FDXR: variants seen among roughly 807,000 people sequenced by gnomAD.
FDXR encodes NADPH:adrenodoxin oxidoreductase, mitochondrial.
FDXR carries 38 observed loss-of-function variants against 58.3 expected under a neutral mutation model. The observed-to-expected ratio is 0.65, with a 90% CI of 0.50 to 0.85. The LOEUF is 0.85. Among genes scored for constraint, FDXR ranks in the 40% least tolerant of loss-of-function variants. The pLI is 0.00. For missense variants in FDXR, 624 were observed against 671.0 expected, an observed-to-expected ratio of 0.93 and a Z score of 0.77; for synonymous variants, 275 against 273.8, an observed-to-expected ratio of 1.00 and a Z score of -0.04.
rs757157557 is a variant in FDXR at position 74,866,162 on chromosome 17, C to T, written c.476G>A (p.Gly159Asp). The part of the protein sequence containing the change: ...PGVCSARAFV[G>D]WYNGLPENQE... ...GTTCTCAGGAAGCCCGTTGTACCAG[C>T]CCACGAAGGCCCGGGCGGAGCACAC... The change falls in exon 5 of 12, where the codon GGC becomes GAC. Residue 159 changes from glycine to aspartate, a missense_variant. Gly to Asp is a moderately conservative substitution (Grantham distance 94). Transcript: ENST00000293195. 3 of 1,613,856 alleles carry T rather than the reference C, an allele frequency of 1.9e-6. No individual in the cohort carries two copies. Among genetic ancestry groups the T allele is most frequent in the Admixed American group, 1.7e-5 (1 of 60,020 alleles).
At chr17:74,866,362 C>T in intron 4 of FDXR, 84 bp downstream of exon 4, 2 of 1,581,308 alleles carry the variant, frequency 1.3e-6, no homozygotes, top group Non-Finnish European at 1.7e-6. Context: ...GCATCCTGGC[C>T]TCACCCCTGC....
rs923509743 is a variant in FDXR at position 74,865,649 on chromosome 17, T to C, written c.609+70A>G. ...GCTTGGAGAGGTAAGGCCTGAACCC[T>C]GCAGACAAGGGCACTCTCTCCTCAG... On this transcript the variant is annotated intron_variant, in intron 6 of 11. Transcript: ENST00000293195. 6.4e-6 allele frequency: 7 copies of C among 1,092,104 alleles called. No individual in the cohort carries two copies. In the Admixed American group the frequency reaches 1.2e-4, roughly 19 times the overall value. 67.7% of individuals were successfully genotyped at this position (1,092,104 alleles called of 1,614,324 possible).
rs749152928 is a variant in FDXR at position 74,865,745 on chromosome 17, G to A, written c.583C>T (p.Leu195=). ...TCCAGGTGCTCAGGTGGGGTCAGTA[G>A]GATGCGGGCCACGTCCAGAGCCACG... ...GNVALDVARI[L]LTPPEHLERT... Residue 195 remains leucine, a synonymous_variant, in exon 6 of 12, where the codon CTA becomes TTA. Coordinates refer to ENST00000293195, the MANE Select transcript of FDXR (RefSeq NM_024417.5). 1.2e-6 allele frequency: 2 copies of A among 1,612,844 alleles called. No homozygotes were observed. The highest frequency in any genetic ancestry group is 8.5e-7 in the Non-Finnish European group (1 of 1,179,834).
At chr17:74,865,310 CGAT>C (rs2038138772) in intron 6 of FDXR, among the ~76,000 whole-genome samples, 1 of 151,754 alleles carries the variant, frequency 6.6e-6, no homozygotes. Context: ...ATTGCTGTGG[CGAT>C]GATATGCGGT....
rs191668710 is a variant in FDXR at position 74,868,372 on chromosome 17, A to C, written c.178-1496T>G. 1,055 of 668,890 alleles carry C rather than the reference A, an allele frequency of 1.6e-3. 6 individuals carry two copies. Among genetic ancestry groups the C allele is most frequent in the Non-Finnish European group, 5.8e-4 (214 of 366,624 alleles). The allele number at this position is 668,890 out of a possible 1,614,324, so 41.4% of individuals were successfully genotyped here. A position where few individuals can be genotyped will look rare whatever the true frequency, so the allele number is the denominator to read the frequency against. On this transcript the variant is annotated intron_variant, in intron 2 of 11. Transcript: ENST00000293195. ...GTGTCCTGCTCAAGGTTAAATGAGT[A>C]ATCAGGCAGCCCGGGGTGCAACCTA...
At position 74,864,905 on chromosome 17, in the gene FDXR, C is replaced by T. The variant is rs1192121509; in HGVS notation, c.636G>A (p.Leu212=). The change falls in exon 7 of 12, where the codon CTG becomes CTA. Residue 212 remains leucine (L), a synonymous_variant. Transcript: ENST00000293195. ...TCACTCGACTCTGCCTCAGTACACC[C>T]AGGGCTGCCTTCGTGATGTCCGTTC... is the stretch of plus-strand genomic sequence containing the variant. ...LERTDITKAA[L]GVLRQSRVKT... 3 of 1,614,152 alleles carry T rather than the reference C, an allele frequency of 1.9e-6. No homozygotes were observed. The highest frequency in any genetic ancestry group is 2.5e-6 in the Non-Finnish European group (3 of 1,180,002).
chr17:74,871,373 G>T (rs2038370318), intron 2 of FDXR, among the ~76,000 whole-genome samples: 1 of 152,182 alleles, frequency 6.6e-6, no homozygotes, highest in African/African-American at 2.4e-5. Flanking sequence ...TCTCTCCACG[G>T]ACACTCCAAG....
rs35893883 is a variant in FDXR, at chr17:74,865,707, C to T, written c.609+12G>A. On this transcript the variant is annotated intron_variant, in intron 6 of 11. Coordinates refer to ENST00000293195, the MANE Select transcript of FDXR (RefSeq NM_024417.5). ...CCACCTCCAACCCCGCCAGCCCTGA[C>T]CTACCACTCACCTCCAGGTGCTCAG... 1 of 1,597,716 alleles carries T rather than the reference C, an allele frequency of 6.3e-7. No individual in the cohort carries two copies. Among genetic ancestry groups the T allele is most frequent in the African/African-American group, 1.3e-5 (1 of 74,728 alleles).
At position 74,872,720 on chromosome 17, in the gene FDXR, C is replaced by T. The variant is rs974707665; in HGVS notation, c.79+146G>A. 2.7e-6 allele frequency: 4 copies of T among 1,506,180 alleles called. No homozygotes were observed. The South Asian group carries it at 4.9e-5, about 18-fold the overall frequency. 93.3% of individuals were successfully genotyped at this position (1,506,180 alleles called of 1,614,324 possible). ...TCACGCACAGATCTCCGCCCACCCC[C>T]GTACACCACCGGGATCTCGCCAGCA... On this transcript the variant is annotated intron_variant, in intron 1 of 11. Transcript: ENST00000293195.
At chr17:74,866,416 C>T in intron 4 of FDXR, 30 bp downstream of exon 4, 1 of 1,610,148 alleles carries the variant, frequency 6.2e-7, no homozygotes, top group South Asian at 1.1e-5. Context: ...CAGCCCCTGC[C>T]TCCCCAAGCC....
At chr17:74,863,336 C>T (rs2038043445) in intron 10 of FDXR, 90 bp from the exon 11 acceptor site, 2 of 1,260,274 alleles carry the variant, frequency 1.6e-6, no homozygotes, top group South Asian at 2.8e-5. Flanking sequence ...CACGTGCACG[C>T]ACACAGACAC....
chr17:74,864,176 C>T lies in FDXR; in HGVS notation c.974G>A (p.Gly325Asp). 1 of 1,612,728 alleles carries T rather than the reference C, an allele frequency of 6.2e-7. No homozygotes were observed. The highest frequency in any genetic ancestry group is 1.1e-5 in the South Asian group (1 of 91,088). The change falls in exon 9 of 12, where the codon GGT becomes GAT. Residue 325 changes from glycine (G) to aspartate (D), a missense_variant. By Grantham distance (94) the Gly-to-Asp change is moderately conservative (BLOSUM62 -1). Coordinates refer to ENST00000293195, the MANE Select transcript of FDXR (RefSeq NM_024417.5). ...CAGTCTAGTGACTGCTAGGCGGACA[C>T]CTGCTGCCCGCCGCCCATCTGGTGA... ...LPSPDGRRAAGVRLAVTRLEG... is the reference protein window; with the variant it reads ...LPSPDGRRAADVRLAVTRLEG...
intron 10 of FDXR, 145 bp from the exon 11 acceptor site, chr17:74,863,391 T>A (rs1003040349): frequency 7.8e-6 from 6 of 767,866 alleles, no homozygotes; most frequent in East Asian, 2.7e-5. Flanking sequence ...CTGTGGCCGC[T>A]GGTCCACTGC....
intron 3 of FDXR, 48 bp from the exon 4 acceptor site, chr17:74,866,616 C>T: frequency 6.2e-7 from 1 of 1,612,446 alleles, no homozygotes; most frequent in East Asian, 2.2e-5. Context: ...AAGGCAGCTC[C>T]AGGGACCAAG....
rs35129455 is a variant in FDXR, at chr17:74,867,076, G to A, written c.178-200C>T. 2.2e-3 allele frequency: 2,661 copies of A among 1,193,478 alleles called. 56 individuals are homozygous for A. In the African/African-American group the frequency reaches 0.036, roughly 16 times the overall value. 73.9% of individuals were successfully genotyped at this position (1,193,478 alleles called of 1,614,324 possible). A position where few individuals can be genotyped will look rare whatever the true frequency, so the allele number is the denominator to read the frequency against. ...CAGCCCAGCACTTTGGGAGGCTGAG[G>A]CAGGTGGATAACCTGAGGTCAGGAG... On this transcript the variant is annotated intron_variant, in intron 2 of 11. Coordinates refer to ENST00000293195, the MANE Select transcript of FDXR (RefSeq NM_024417.5).
chr17:74,868,476 C>G, intron 2 of FDXR: 1 of 1,016,792 alleles, frequency 9.8e-7, no homozygotes, highest in East Asian at 2.6e-5. Flanking sequence ...AAAATCTTCG[C>G]TGGGGCCCAG....
At chr17:74,867,117 A>C (rs948136566) in intron 2 of FDXR, 1 of 722,622 alleles carries the variant, frequency 1.4e-6, no homozygotes, top group African/African-American at 1.8e-5. Flanking sequence ...GACCAGCCTG[A>C]CCAACATGGT....
rs1345521169 is a variant in FDXR, at chr17:74,868,691, C to CTCCT, written c.178-1819_178-1816dup. ...TGGCTGACCTCATCTTCCAGGTTTC[C>CTCCT]TCCTTCCTTCCTTCCCTCCCTCCTG... is the stretch of plus-strand genomic sequence containing the variant. On this transcript the variant is annotated intron_variant, in intron 2 of 11. Transcript: ENST00000293195. 5.2e-5 allele frequency: 79 copies of CTCCT among 1,531,910 alleles called. No homozygotes were observed. In the East Asian group the frequency reaches 8.6e-4, roughly 17 times the overall value. The allele number at this position is 1,531,910 out of a possible 1,614,324, so 94.9% of individuals were successfully genotyped here. A position where few individuals can be genotyped will look rare whatever the true frequency, so the allele number is the denominator to read the frequency against.
Position 74,862,724 on chromosome 17 carries a change from C to A in FDXR, c.*93G>T, listed in dbSNP as rs1357274445. On this transcript the variant is annotated 3_prime_UTR_variant, in exon 12 of 12. Transcript: ENST00000293195. ...CCTCCAAGCCAGGGCCGGCCGGGATCAGCAGAGGTGCAAAGTCCCACTCAG... is the reference window on the plus strand; with the variant it reads ...CCTCCAAGCCAGGGCCGGCCGGGATAAGCAGAGGTGCAAAGTCCCACTCAG... 2 of 1,472,292 alleles carry A rather than the reference C, an allele frequency of 1.4e-6. No individual in the cohort carries two copies. The highest frequency in any genetic ancestry group is 1.4e-5 in the African/African-American group (1 of 71,372). The allele number at this position is 1,472,292 out of a possible 1,614,324, so 91.2% of individuals were successfully genotyped here.
Sources: gnomAD v4.1 joint callset for allele counts (sites outside exome capture counted in the v4.1 genomes callset) on GRCh38, gnomAD v4.1.1 for gene constraint, MANE v1.5 for transcripts, NCBI Gene and HGNC (gene_info 2026-07-23, HGNC 2026-07-21) for gene names.